Variants in DNM3 observed in about 807,000 individuals in gnomAD.
DNM3 encodes dynamin 3.
Under a neutral mutation model 101.6 loss-of-function variants are expected in DNM3, and 47 were observed. The observed-to-expected ratio is 0.46, with a 90% CI of 0.37 to 0.59. DNM3 has a LOEUF of 0.59. Among genes scored for constraint, DNM3 ranks in the 20% least tolerant of loss-of-function variants. The probability of loss-of-function intolerance (pLI) is 0.00; values close to 1 mark genes in which losing one functional copy is unlikely to be tolerated. For synonymous variants in DNM3, 385 were observed against 387.9 expected (o/e 0.99, Z 0.09); for missense variants, 849 against 1,085.7 (o/e 0.78, Z 3.06).
chr1:172,132,305 A>G (rs193169234), intron 14 of DNM3, among the ~76,000 whole-genome samples: 1 of 152,282 alleles, frequency 6.6e-6, no homozygotes, highest in African/African-American at 2.4e-5. Context: ...TGTGTGTAAT[A>G]GTGTGTTGAA....
At chr1:172,104,823 CAT>C (rs2054896000) in intron 13 of DNM3, among the ~76,000 whole-genome samples, 1 of 152,160 alleles carries the variant, frequency 6.6e-6, no homozygotes, top group Non-Finnish European at 1.5e-5. Context: ...TGAGATTCGT[CAT>C]GGCACATGGT....
intron 13 of DNM3, among the ~76,000 whole-genome samples, chr1:172,124,590 C>A (rs1324561668): frequency 6.6e-6 from 1 of 152,168 alleles, no homozygotes; most frequent in African/African-American, 2.4e-5. Context: ...CCAGAGCCAG[C>A]TGGAAAGCAT....
At chr1:171,963,223 T>TTGAAGAGACA (rs1436275095) in intron 2 of DNM3, among the ~76,000 whole-genome samples, 1 of 152,130 alleles carries the variant, frequency 6.6e-6, no homozygotes, top group African/African-American at 2.4e-5. Flanking sequence ...GAAATGAGCC[T>TTGAAGAGACA]TGAAGAGACA....
intron 1 of DNM3, among the ~76,000 whole-genome samples, chr1:171,856,354 G>C (rs2033610785): frequency 6.6e-6 from 1 of 152,096 alleles, no homozygotes; most frequent in Non-Finnish European, 1.5e-5. Flanking sequence ...TTGGCTACTT[G>C]GCTGTTTTTT....
chr1:172,166,400 T>G (rs2058745946), intron 14 of DNM3, among the ~76,000 whole-genome samples: 1 of 152,098 alleles, frequency 6.6e-6, no homozygotes, highest in Non-Finnish European at 1.5e-5. Flanking sequence ...GACATAAGTT[T>G]TATATATGCT....
chr1:172,307,331 A>T (rs2064873817), intron 15 of DNM3, among the ~76,000 whole-genome samples: 1 of 152,246 alleles, frequency 6.6e-6, no homozygotes, highest in African/African-American at 2.4e-5. Flanking sequence ...ATGAGATAAC[A>T]TCTTACACCA....
chr1:171,843,425 T>A (rs1321257557), intron 1 of DNM3, among the ~76,000 whole-genome samples: 1 of 152,230 alleles, frequency 6.6e-6, no homozygotes, highest in Non-Finnish European at 1.5e-5. Context: ...TAAAGTGGCA[T>A]CCAAAGAGTG....
intron 4 of DNM3, among the ~76,000 whole-genome samples, chr1:172,009,763 A>T (rs924831130): frequency 2.6e-5 from 4 of 151,490 alleles, no homozygotes; most frequent in African/African-American, 9.7e-5. Flanking sequence ...TATAGATTTC[A>T]GTTTACATAT....
chr1:172,377,552 T>C lies in DNM3; in HGVS notation c.1894-1466T>C, dbSNP rs939821892. Among the ~76,000 whole-genome samples, 20 of 45,080 alleles carry C rather than the reference T, an allele frequency of 4.4e-4. 1 individual carries two copies. The highest frequency in any genetic ancestry group is 2.3e-3 in the Admixed American group (11 of 4,778). 29.6% of individuals were successfully genotyped at this position (45,080 alleles called of 152,430 possible). On this transcript the variant is annotated intron_variant, in intron 17 of 20. Coordinates refer to ENST00000627582, the MANE Select transcript of DNM3 (RefSeq NM_015569.5). ...CATCATCTGCTCTCATTGATATATATCATATATATATATATATATATATAT... is the reference window on the plus strand; with the variant it reads ...CATCATCTGCTCTCATTGATATATACCATATATATATATATATATATATAT...
At chr1:172,319,746 G>A (rs1398832647) in intron 16 of DNM3, among the ~76,000 whole-genome samples, 2 of 152,210 alleles carry the variant, frequency 1.3e-5, no homozygotes, top group Non-Finnish European at 2.9e-5. Context: ...ATGCTGGAGA[G>A]CATGTGGAGA....
At chr1:172,304,124 T>G (rs1430487914) in intron 15 of DNM3, among the ~76,000 whole-genome samples, 2 of 149,446 alleles carry the variant, frequency 1.3e-5, no homozygotes, top group Non-Finnish European at 1.5e-5. Context: ...TGTGCTGTAT[T>G]CAGGAGACCC....
In DNM3 at chr1:172,408,592, C is replaced by T; in HGVS notation, c.*751C>T. 1 of 984,914 alleles carries T rather than the reference C, an allele frequency of 1.0e-6. No individual in the cohort carries two copies. Among genetic ancestry groups the T allele is most frequent in the Non-Finnish European group, 1.2e-6 (1 of 829,498 alleles). The allele number at this position is 984,914 out of a possible 1,614,324, so 61.0% of individuals were successfully genotyped here. Reference sequence around the variant, plus strand: ...AAGGAAGAAGCAAAATATCACATCTCTAGAAGTGTTGGGAAAAATATAATT... The same window carrying T: ...AAGGAAGAAGCAAAATATCACATCTTTAGAAGTGTTGGGAAAAATATAATT... On this transcript the variant is annotated 3_prime_UTR_variant, in exon 21 of 21. Transcript: ENST00000627582.
At chr1:171,925,056 C>A (rs751450221) in intron 2 of DNM3, among the ~76,000 whole-genome samples, 2 of 151,454 alleles carry the variant, frequency 1.3e-5, no homozygotes, top group Non-Finnish European at 2.9e-5. Context: ...CCCACCACCA[C>A]GCCCGGCTAA....
downstream of DNM3, among the ~76,000 whole-genome samples, chr1:172,415,675 G>A (rs989355806): frequency 4.0e-5 from 6 of 151,790 alleles, no homozygotes; most frequent in South Asian, 4.2e-4. Context: ...GATTACAGGC[G>A]TGTGCCACCA....
At chr1:171,841,936 G>C in intron 1 of DNM3, 119 bp downstream of exon 1, 1 of 1,337,110 alleles carries the variant, frequency 7.5e-7, no homozygotes, top group Non-Finnish European at 1.0e-6. Context: ...GCGGTGGAAT[G>C]GGGGGCAGAG....
At chr1:172,230,626 C>CT (rs1396348741) in intron 14 of DNM3, among the ~76,000 whole-genome samples, 1 of 152,064 alleles carries the variant, frequency 6.6e-6, no homozygotes, top group Non-Finnish European at 1.5e-5. Flanking sequence ...CTTACCGTTT[C>CT]TTTTTTTATT....
At chr1:171,910,343 T>C (rs2039195350) in intron 1 of DNM3, among the ~76,000 whole-genome samples, 2 of 152,212 alleles carry the variant, frequency 1.3e-5, no homozygotes, top group African/African-American at 4.8e-5. Context: ...TCATTCTGAG[T>C]AGTTAGTTAA....
At chr1:172,194,374 G>A (rs2059864363) in intron 14 of DNM3, among the ~76,000 whole-genome samples, 1 of 152,120 alleles carries the variant, frequency 6.6e-6, no homozygotes, top group South Asian at 2.1e-4. Context: ...ATGTCTATTA[G>A]GTCTGCTTGG....
intron 14 of DNM3, among the ~76,000 whole-genome samples, chr1:172,140,968 G>A (rs1224929150): frequency 6.6e-6 from 1 of 151,880 alleles, no homozygotes; most frequent in Non-Finnish European, 1.5e-5. Context: ...AAACATAAAA[G>A]AGCTATTTGT....
Sources: gnomAD v4.1 joint callset for allele counts (sites outside exome capture counted in the v4.1 genomes callset) on GRCh38, gnomAD v4.1.1 for gene constraint, MANE v1.5 for transcripts, NCBI Gene and HGNC (gene_info 2026-07-23, HGNC 2026-07-21) for gene names.